Variants in RPS6KA5 observed in about 807,000 individuals in gnomAD.
RPS6KA5 encodes the protein ribosomal protein S6 kinase alpha-5.
A neutral mutation model predicts 85.5 loss-of-function variants in RPS6KA5; 27 were observed. The ratio of observed to expected loss-of-function variants is 0.32; its 90% CI spans 0.23 to 0.44. The LOEUF (loss-of-function observed/expected upper bound fraction) is 0.44. Among genes scored for constraint, RPS6KA5 ranks in the 20% least tolerant of loss-of-function variants. The pLI is 1.00. For synonymous variants in RPS6KA5, 334 were observed against 348.2 expected (o/e 0.96, Z 0.46); for missense variants, 811 against 980.9 (o/e 0.83, Z 2.31).
At position 90,877,196 on chromosome 14, in the gene RPS6KA5, T is replaced by C. The variant is rs372346605; in HGVS notation, c.1837-1836A>G. ...TTGTGCCTGAGAAGAATAAAAACTA[T>C]ATGCATGAGAATGCGCAGAGTTTGA... On this transcript the variant is annotated intron_variant, in intron 14 of 16. Transcript: ENST00000614987. Among the ~76,000 whole-genome samples, 216 of 152,264 alleles carry C rather than the reference T, an allele frequency of 1.4e-3. 1 individual carries two copies. Among genetic ancestry groups the C allele is most frequent in the African/African-American group, 4.7e-3 (194 of 41,528 alleles).
At chr14:90,915,998 A>G (rs893818854) in intron 7 of RPS6KA5, among the ~76,000 whole-genome samples, 1 of 152,190 alleles carries the variant, frequency 6.6e-6, no homozygotes, top group Admixed American at 6.5e-5. Context: ...GATATGAGAA[A>G]TCTAGAAATG....
intron 16 of RPS6KA5, among the ~76,000 whole-genome samples, chr14:90,873,280 G>A (rs999509954): frequency 6.6e-6 from 1 of 152,164 alleles, no homozygotes. Context: ...CTAAATGGTT[G>A]TAAAATGAAT....
In RPS6KA5 at chr14:91,046,961, T is replaced by C. The variant is rs1401384988; in HGVS notation, c.103+13371A>G. 4.6e-5 allele frequency among the ~76,000 whole-genome samples: 7 copies of C among 151,938 alleles called. No homozygotes were observed. The South Asian group carries it at 1.2e-3, about 27-fold the overall frequency. On this transcript the variant is annotated intron_variant, in intron 1 of 16. Transcript: ENST00000614987. ...TGGGAGGCCGAGGCAGGTGGATCAC[T>C]TGAGCTCAGGAGGTCATTGAGGCTG...
intron 4 of RPS6KA5, among the ~76,000 whole-genome samples, chr14:90,946,824 C>T (rs555792230): frequency 6.6e-6 from 1 of 152,288 alleles, no homozygotes; most frequent in South Asian, 2.1e-4. Flanking sequence ...TAATGGTTAT[C>T]TGCAATAACA....
chr14:91,060,164 A>G, intron 1 of RPS6KA5, 168 bp downstream of exon 1: 1 of 975,332 alleles, frequency 1.0e-6, no homozygotes, highest in Non-Finnish European at 1.2e-6. Flanking sequence ...GCGCGCCCCC[A>G]CCTCCCGGGA....
intron 1 of RPS6KA5, among the ~76,000 whole-genome samples, chr14:91,059,137 G>A (rs2043480103): frequency 6.6e-6 from 1 of 151,944 alleles, no homozygotes; most frequent in Non-Finnish European, 1.5e-5. Flanking sequence ...CGACCAGCCT[G>A]ACCAACGTGG....
At chr14:90,996,467 C>T (rs750936767) in intron 2 of RPS6KA5, among the ~76,000 whole-genome samples, 2 of 151,986 alleles carry the variant, frequency 1.3e-5, no homozygotes, top group East Asian at 3.9e-4. Context: ...TCTGTAGATG[C>T]TATGTCTATT....
chr14:90,887,544 T>C (rs2034304784), intron 14 of RPS6KA5, among the ~76,000 whole-genome samples: 1 of 152,118 alleles, frequency 6.6e-6, no homozygotes, highest in Non-Finnish European at 1.5e-5. Context: ...AAAAAATTAG[T>C]AGTAATTCCT....
intron 3 of RPS6KA5, among the ~76,000 whole-genome samples, chr14:90,952,697 T>C (rs894758336): frequency 2.6e-5 from 4 of 152,264 alleles, no homozygotes; most frequent in Admixed American, 2.6e-4. Flanking sequence ...GCAAATGCAG[T>C]GCGATTGGAA....
At chr14:91,052,946 T>C (rs1264706563) in intron 1 of RPS6KA5, among the ~76,000 whole-genome samples, 1 of 152,056 alleles carries the variant, frequency 6.6e-6, no homozygotes, top group Non-Finnish European at 1.5e-5. Context: ...AGATTTCTTA[T>C]GGATATAGAT....
At chr14:91,051,389 G>A (rs905183649) in intron 1 of RPS6KA5, among the ~76,000 whole-genome samples, 1 of 152,100 alleles carries the variant, frequency 6.6e-6, no homozygotes, top group Non-Finnish European at 1.5e-5. Context: ...GACCAGCCTG[G>A]GCAACATAGT....
intron 13 of RPS6KA5, among the ~76,000 whole-genome samples, chr14:90,892,013 T>C (rs529725147): frequency 2.0e-5 from 3 of 151,580 alleles, no homozygotes; most frequent in African/African-American, 7.3e-5. Context: ...TTTTTTTTTT[T>C]TGAGAGAGAC....
chr14:90,955,216 C>A (rs2038436535), intron 3 of RPS6KA5, among the ~76,000 whole-genome samples: 1 of 152,072 alleles, frequency 6.6e-6, no homozygotes, highest in Non-Finnish European at 1.5e-5. Flanking sequence ...ATTTTAGCTT[C>A]ATTCTGTAAG....
chr14:90,923,250 C>CA, intron 5 of RPS6KA5, 54 bp from the exon 6 acceptor site: 1 of 1,389,118 alleles, frequency 7.2e-7, no homozygotes, highest in South Asian at 1.2e-5. Flanking sequence ...TGACAAGTGA[C>CA]AAAAGAAGAA....
At chr14:91,005,732 C>T (rs888007998) in intron 1 of RPS6KA5, among the ~76,000 whole-genome samples, 1 of 152,150 alleles carries the variant, frequency 6.6e-6, no homozygotes, top group African/African-American at 2.4e-5. Flanking sequence ...AAATAAATCA[C>T]ATTTCTCTTA....
Position 90,849,952 on chromosome 14 carries a change from T to C in RPS6KA5, c.*22122A>G, listed in dbSNP as rs2031908809. The stretch of plus-strand genomic sequence containing the variant: ...GGCTCATGCCTGTAATCCCATCACT[T>C]TGGGAGGCCCAGGTGGCAGGATCGC... On this transcript the variant is annotated 3_prime_UTR_variant, in exon 17 of 17. Coordinates refer to ENST00000614987, the MANE Select transcript of RPS6KA5 (RefSeq NM_004755.4). 1.3e-5 allele frequency: 2 copies of C among 152,270 alleles called. No individual in the cohort carries two copies. The highest frequency in any genetic ancestry group is 4.8e-5 in the African/African-American group (2 of 41,432). 9.4% of individuals were successfully genotyped at this position (152,270 alleles called of 1,614,324 possible). A position where few individuals can be genotyped will look rare whatever the true frequency, so the allele number is the denominator to read the frequency against.
chr14:90,987,149 G>T (rs756240952), intron 2 of RPS6KA5, among the ~76,000 whole-genome samples: 47 of 152,084 alleles, frequency 3.1e-4, no homozygotes, highest in Non-Finnish European at 5.7e-4. Flanking sequence ...GAAGCATAAG[G>T]TATAGTGGGT....
intron 2 of RPS6KA5, among the ~76,000 whole-genome samples, chr14:90,983,026 T>C (rs1413913349): frequency 6.6e-6 from 1 of 151,150 alleles, no homozygotes; most frequent in African/African-American, 2.4e-5. Flanking sequence ...CGCAGGAGGA[T>C]GGCATGAACC....
At chr14:90,893,448 A>T (rs186000126) in intron 13 of RPS6KA5, among the ~76,000 whole-genome samples, 123 of 152,316 alleles carry the variant, frequency 8.1e-4, no homozygotes, top group African/African-American at 2.8e-3. Context: ...TCATTTTAAA[A>T]ATTTTCTTTT....
Sources: allele counts gnomAD v4.1 joint callset (sites outside exome capture counted in the v4.1 genomes callset), GRCh38; gene constraint gnomAD v4.1.1; transcripts MANE v1.5; gene names NCBI Gene and HGNC (gene_info 2026-07-23, HGNC 2026-07-21).